The following EBAG9 variants were observed in gnomAD, a reference collection of about 807,000 sequenced individuals.
The protein encoded by EBAG9 is estrogen receptor binding site associated antigen 9, also known as receptor-binding cancer antigen expressed on SiSo cells.
In EBAG9, 16 loss-of-function variants were observed where a neutral mutation model predicts 30.9. The observed-to-expected ratio is 0.52, with a 90% confidence interval of 0.35 to 0.79. The LOEUF (loss-of-function observed/expected upper bound fraction) is 0.79, where lower values mean the gene tolerates loss of function less well. Among genes scored for constraint, EBAG9 ranks in the 30% least tolerant of loss-of-function variants. EBAG9 has a pLI of 0.01. For missense variants in EBAG9, 197 were observed against 242.1 expected (o/e 0.81, Z 1.24); for synonymous variants, 93 against 82.8 (o/e 1.12, Z -0.67).
chr8:109,558,811 A>C (rs571755588), intron 5 of EBAG9, among the ~76,000 whole-genome samples: 18 of 152,340 alleles, frequency 1.2e-4, no homozygotes, highest in African/African-American at 4.3e-4. Flanking sequence ...TCTAGAATTC[A>C]TCATTCGTAT....
At chr8:109,563,292 T>C in intron 6 of EBAG9, 1 of 1,307,876 alleles carries the variant, frequency 7.6e-7, no homozygotes, top group East Asian at 2.3e-5. Context: ...TTTGGATTTT[T>C]CTGCATATAA....
At chr8:109,547,034 AT>A (rs111313500) in intron 1 of EBAG9, among the ~76,000 whole-genome samples, 100 of 149,878 alleles carry the variant, frequency 6.7e-4, no homozygotes, top group Non-Finnish European at 9.2e-4. Context: ...ATTTATTTCA[AT>A]TTTTTTTTTG....
chr8:109,555,303 G>A (rs943828641), intron 4 of EBAG9, among the ~76,000 whole-genome samples: 13 of 152,170 alleles, frequency 8.5e-5, no homozygotes, highest in African/African-American at 2.9e-4. Context: ...TCCCTATGGA[G>A]GACATGAACT....
intron 1 of EBAG9, among the ~76,000 whole-genome samples, chr8:109,548,303 T>C (rs1335888062): frequency 6.6e-6 from 1 of 152,192 alleles, no homozygotes; most frequent in Non-Finnish European, 1.5e-5. Context: ...TTTCAGTTTT[T>C]GTATATACGT....
intron 6 of EBAG9, chr8:109,563,669 C>A: frequency 2.2e-6 from 2 of 924,242 alleles, no homozygotes; most frequent in African/African-American, 1.7e-5. Context: ...GGGGGTTTGT[C>A]GTACAGATAT....
At chr8:109,556,431 A>C (rs961709981) in intron 4 of EBAG9, among the ~76,000 whole-genome samples, 2 of 152,126 alleles carry the variant, frequency 1.3e-5, no homozygotes, top group East Asian at 3.8e-4. Flanking sequence ...GCATTGTGGA[A>C]GTATACTGCT....
At position 109,553,944 on chromosome 8, in the gene EBAG9, G is replaced by T; in HGVS notation, c.162+1G>T. 6.3e-7 allele frequency: 1 copy of T among 1,596,454 alleles called. No individual in the cohort carries two copies. The highest frequency in any genetic ancestry group is 8.5e-7 in the Non-Finnish European group (1 of 1,173,864). The stretch of plus-strand genomic sequence containing the variant: ...TGATTATTCATCAGTTCCTAAGCAG[G>T]TAGGTTTTTTTTGTGTGTTCTTTTG... On this transcript the variant is annotated splice_donor_variant, in intron 3 of 6. Transcript: ENST00000337573. LOFTEE classifies it high-confidence loss of function.
chr8:109,540,077 A>G (rs947682800), upstream of EBAG9: 17 of 151,110 alleles, frequency 1.1e-4, no homozygotes, highest in African/African-American at 3.7e-4. Flanking sequence ...TCGCCCTTCC[A>G]CCAGACCTCC....
chr8:109,547,783 T>TA (rs1491169020), intron 1 of EBAG9, among the ~76,000 whole-genome samples: 1 of 152,132 alleles, frequency 6.6e-6, no homozygotes, highest in East Asian at 1.9e-4. Flanking sequence ...CCTGGCCTTG[T>TA]ATATGTTTTT....
intron 1 of EBAG9, chr8:109,550,484 A>T (rs1387469086): frequency 1.1e-5 from 2 of 174,578 alleles, no homozygotes; most frequent in East Asian, 3.4e-4. Context: ...CAAACTTTAA[A>T]AGGTACACAG....
intron 1 of EBAG9, 78 bp from the exon 2 acceptor site, chr8:109,550,732 A>G: frequency 1.3e-6 from 1 of 787,662 alleles, no homozygotes; most frequent in Admixed American, 2.1e-5. Context: ...TTCTTAGTGC[A>G]TAATAGGTCT....
intron 6 of EBAG9, chr8:109,563,314 C>A: frequency 6.7e-7 from 1 of 1,491,706 alleles, no homozygotes; most frequent in Non-Finnish European, 9.1e-7. Context: ...CTAATGTTGC[C>A]TATTCCATGC....
Position 109,552,003 on chromosome 8 carries a change from G to A in EBAG9, c.83+1096G>A, listed in dbSNP as rs1474840142. ...TTGTTAGGTGTTTCTGTGGCCTAAG[G>A]GTACTGTGAAAAAGTTACTTACATA... On this transcript the variant is annotated intron_variant, in intron 2 of 6. Transcript: ENST00000337573. Among the ~76,000 whole-genome samples, 3 of 152,092 alleles carry A rather than the reference G, an allele frequency of 2.0e-5. No individual in the cohort carries two copies. In the East Asian group the frequency reaches 5.8e-4, roughly 29 times the overall value.
Position 109,545,369 on chromosome 8 carries a change from C to CT in EBAG9, c.-16+4920dup, listed in dbSNP as rs765622817. The stretch of plus-strand genomic sequence containing the variant: ...GCTACCAAAATAATGCCAGTTTTAC[C>CT]TTTTTTTTTTTTGAAATGGAGTCTC... On this transcript the variant is annotated intron_variant, in intron 1 of 6. Coordinates refer to ENST00000337573, the MANE Select transcript of EBAG9 (RefSeq NM_004215.5). Among the ~76,000 whole-genome samples, 880 of 140,488 alleles carry CT rather than the reference C, an allele frequency of 6.3e-3. 12 individuals carry two copies. The highest frequency in any genetic ancestry group is 0.018 in the African/African-American group (669 of 38,182). 92.2% of individuals were successfully genotyped at this position (140,488 alleles called of 152,430 possible).
Position 109,554,910 on chromosome 8 carries a change from G to T in EBAG9, c.321+23G>T, listed in dbSNP as rs760250530. 3.8e-6 allele frequency: 6 copies of T among 1,599,118 alleles called. No individual in the cohort carries two copies. In the African/African-American group the frequency reaches 8.1e-5, roughly 22 times the overall value. On this transcript the variant is annotated intron_variant, in intron 4 of 6. Coordinates refer to ENST00000337573, the MANE Select transcript of EBAG9 (RefSeq NM_004215.5). ...AAAGTATGTTAAGATTTATGCTTTT[G>T]GAGATTAAACTACTTTTTAGATTCC...
chr8:109,553,390 T>C (rs1821532162), intron 2 of EBAG9, among the ~76,000 whole-genome samples: 1 of 152,216 alleles, frequency 6.6e-6, no homozygotes, highest in Admixed American at 6.5e-5. Context: ...CTTTTCCTAC[T>C]AATCCTTAAA....
chr8:109,552,071 GCT>G (rs1821505654), intron 2 of EBAG9, among the ~76,000 whole-genome samples: 1 of 151,938 alleles, frequency 6.6e-6, no homozygotes, highest in Non-Finnish European at 1.5e-5. Context: ...ACAGCAATCA[GCT>G]CTTTTTTTAA....
chr8:109,556,686 A>C (rs547537282), intron 4 of EBAG9, among the ~76,000 whole-genome samples: 1 of 152,180 alleles, frequency 6.6e-6, no homozygotes, highest in Non-Finnish European at 1.5e-5. Context: ...AGGTCTGGGG[A>C]AAGTAGGATA....
intron 1 of EBAG9, among the ~76,000 whole-genome samples, chr8:109,542,879 A>G (rs1821304997): frequency 6.6e-6 from 1 of 152,210 alleles, no homozygotes; most frequent in African/African-American, 2.4e-5. Context: ...GAAGAGTAAA[A>G]TACTAGAATT....
Sources: allele counts gnomAD v4.1 joint callset (sites outside exome capture counted in the v4.1 genomes callset), GRCh38; gene constraint gnomAD v4.1.1; transcripts MANE v1.5; gene names NCBI Gene and HGNC (gene_info 2026-07-23, HGNC 2026-07-21).